Variants in HIP1 observed in about 807,000 individuals in gnomAD.
The protein encoded by HIP1 is huntingtin interacting protein 1, also known as huntingtin-interacting protein 1.
Under a neutral mutation model 147.6 loss-of-function variants are expected in HIP1, and 65 were observed. The ratio of observed to expected loss-of-function variants is 0.44; its 90% confidence interval spans 0.36 to 0.54. The LOEUF (loss-of-function observed/expected upper bound fraction) is 0.54. Ranked by LOEUF, HIP1 falls within the 20% of genes least tolerant of loss-of-function variation. The pLI is 0.00. For synonymous variants in HIP1, 479 were observed against 504.0 expected (o/e 0.95, Z 0.67); for missense variants, 1,061 against 1,299.6 (o/e 0.82, Z 2.82).
chr7:75,688,208 G>A (rs1800329367), intron 1 of HIP1, among the ~76,000 whole-genome samples: 2 of 152,130 alleles, frequency 1.3e-5, no homozygotes. Flanking sequence ...ACCCCTCCGT[G>A]GGCCACAATC....
chr7:75,730,350 T>C lies in HIP1; in HGVS notation c.120+8451A>G, dbSNP rs201943046. 7.2e-5 allele frequency among the ~76,000 whole-genome samples: 11 copies of C among 151,988 alleles called. No homozygotes were observed. In the East Asian group the frequency reaches 2.1e-3, roughly 29 times the overall value. ...TCCTCTGTAAAATAGGATTTTTTTT[T>C]TTTTTTGAGACGGAGTTTCGCTCTT... On this transcript the variant is annotated intron_variant, in intron 1 of 30. Coordinates refer to ENST00000336926, the MANE Select transcript of HIP1 (RefSeq NM_005338.7).
chr7:75,549,017 A>C lies in HIP1; in HGVS notation c.2296-16T>G. 1 of 1,575,480 alleles carries C rather than the reference A, an allele frequency of 6.3e-7. No homozygotes were observed. Among genetic ancestry groups the C allele is most frequent in the East Asian group, 2.2e-5 (1 of 44,680 alleles). ...GCAGGAGCTCCTGTGAACACATCAC[A>C]AAGGCTGAACTGACCTTGGGGCCTC... On this transcript the variant is annotated splice_polypyrimidine_tract_variant and intron_variant, in intron 22 of 30. Coordinates refer to ENST00000336926, the MANE Select transcript of HIP1 (RefSeq NM_005338.7).
chr7:75,647,248 A>T (rs1554511247), intron 1 of HIP1, among the ~76,000 whole-genome samples: 2 of 139,834 alleles, frequency 1.4e-5, no homozygotes. Context: ...AAAAAAAAAA[A>T]TTAGCCAGAC....
intron 1 of HIP1, among the ~76,000 whole-genome samples, chr7:75,613,562 G>A (rs948435049): frequency 3.3e-5 from 5 of 152,014 alleles, no homozygotes; most frequent in Non-Finnish European, 7.4e-5. Context: ...TCCCTAGAGG[G>A]CAAGAAATCT....
At chr7:75,732,697 G>A (rs554691297) in intron 1 of HIP1, among the ~76,000 whole-genome samples, 1 of 152,250 alleles carries the variant, frequency 6.6e-6, no homozygotes, top group Admixed American at 6.5e-5. Flanking sequence ...AAGAGATTTT[G>A]ACTCTCTAAA....
chr7:75,639,000 G>T (rs1045908051), intron 1 of HIP1: 26 of 815,438 alleles, frequency 3.2e-5, no homozygotes, highest in Non-Finnish European at 3.9e-5. Flanking sequence ...AGGGCGCCAG[G>T]GCTGGGGGTG....
chr7:75,559,795 C>G lies in HIP1; in HGVS notation c.1312G>C (p.Asp438His). 6.2e-7 allele frequency: 1 copy of G among 1,607,870 alleles called. No homozygotes were observed. Among genetic ancestry groups the G allele is most frequent in the Non-Finnish European group, 8.5e-7 (1 of 1,177,228 alleles). Residue 438 changes from aspartate to histidine, a missense_variant, in exon 14 of 31, where the codon GAC becomes CAC. By Grantham distance (81) the Asp-to-His change is moderately conservative (BLOSUM62 -1). Coordinates refer to ENST00000336926, the MANE Select transcript of HIP1 (RefSeq NM_005338.7). The stretch of plus-strand genomic sequence containing the variant: ...TCCTCCCGCTGCCTCCTGAGCTCGT[C>G]CAGTTCTGCCCGCAGGAATTCACAG... ...DDCEFLRAEL[D>H]ELRRQREDTE...
intron 5 of HIP1, among the ~76,000 whole-genome samples, chr7:75,586,072 C>T (rs1796263715): frequency 1.3e-5 from 2 of 152,076 alleles, no homozygotes; most frequent in Admixed American, 6.6e-5. Flanking sequence ...CCTCGACCTC[C>T]CATAATGCTC....
chr7:75,556,053 G>A lies in HIP1; in HGVS notation c.1800C>T (p.Asp600=), dbSNP rs781920434. 5.6e-6 allele frequency: 9 copies of A among 1,614,080 alleles called. No individual in the cohort carries two copies. The South Asian group carries it at 6.6e-5, about 12-fold the overall frequency. ...CTGTGCTGGCCAGTTTGAGCTGAGT[G>A]TCCTGCAGTTCTTTCCGAAGAGCAG... The part of the protein sequence containing the change: ...ELSALRKELQ[D]TQLKLASTEE... The change falls in exon 18 of 31, where the codon GAC becomes GAT. Residue 600 remains aspartate (D), a synonymous_variant. Coordinates refer to ENST00000336926, the MANE Select transcript of HIP1 (RefSeq NM_005338.7).
At chr7:75,670,914 G>T (rs1187674004) in intron 1 of HIP1, among the ~76,000 whole-genome samples, 2 of 149,812 alleles carry the variant, frequency 1.3e-5, no homozygotes, top group Admixed American at 6.7e-5. Flanking sequence ...GAGCCACCGC[G>T]CCCGGTCTCA....
chr7:75,616,554 C>T (rs1357128360), intron 1 of HIP1, among the ~76,000 whole-genome samples: 1 of 150,442 alleles, frequency 6.6e-6, no homozygotes, highest in East Asian at 2.0e-4. Flanking sequence ...ATTACCGGCG[C>T]TAGCCACCAT....
chr7:75,549,095 G>T, intron 22 of HIP1, 94 bp from the exon 23 acceptor site: 1 of 888,326 alleles, frequency 1.1e-6, no homozygotes, highest in Non-Finnish European at 1.8e-6. Flanking sequence ...AAGGCAGGAG[G>T]CCACCCAGCA....
At chr7:75,716,927 C>CA (rs1801342663) in intron 1 of HIP1, among the ~76,000 whole-genome samples, 2 of 151,402 alleles carry the variant, frequency 1.3e-5, no homozygotes, top group South Asian at 4.2e-4. Context: ...GCGACCCTCC[C>CA]ACCTCAACCT....
At chr7:75,642,533 T>TCAAAA (rs545455793) in intron 1 of HIP1, among the ~76,000 whole-genome samples, 12 of 152,216 alleles carry the variant, frequency 7.9e-5, no homozygotes, top group Admixed American at 2.0e-4. Flanking sequence ...AGACTCTGTC[T>TCAAAA]CAAAACAAAA....
In HIP1 at chr7:75,732,335, G is replaced by A. The variant is rs546835735; in HGVS notation, c.120+6466C>T. Among the ~76,000 whole-genome samples, 25 of 152,122 alleles carry A rather than the reference G, an allele frequency of 1.6e-4. No individual in the cohort carries two copies. In the South Asian group the frequency reaches 5.0e-3, roughly 30 times the overall value. On this transcript the variant is annotated intron_variant, in intron 1 of 30. Transcript: ENST00000336926. ...TAAGATCCTTTGCTCTGACGTATGC[G>A]CTATCCACCGACTTTTTTTGTTTGT...
Position 75,738,926 on chromosome 7 carries a change from C to A in HIP1, c.-6G>T, listed in dbSNP as rs1554523996. ...GAGCTGGCCATCCGATCCATGTCGC[C>A]GCGAGGAGCCGAGTCAGGGGCCCTC... On this transcript the variant is annotated 5_prime_UTR_variant, in exon 1 of 31. Coordinates refer to ENST00000336926, the MANE Select transcript of HIP1 (RefSeq NM_005338.7). 2.6e-6 allele frequency: 4 copies of A among 1,541,016 alleles called. No homozygotes were observed. Among genetic ancestry groups the A allele is most frequent in the Non-Finnish European group, 3.5e-6 (4 of 1,144,812 alleles).
At chr7:75,565,179 C>T (rs1296016634) in intron 9 of HIP1, among the ~76,000 whole-genome samples, 2 of 152,220 alleles carry the variant, frequency 1.3e-5, no homozygotes, top group Admixed American at 1.3e-4. Flanking sequence ...AGGCCTGTCT[C>T]TGTCTCTGTG....
At chr7:75,563,365 G>A (rs1326167218) in intron 9 of HIP1, 102 bp from the exon 10 acceptor site, 3 of 919,778 alleles carry the variant, frequency 3.3e-6, no homozygotes, top group Non-Finnish European at 5.3e-6. Flanking sequence ...CCAGCCCAAA[G>A]GCACAGGCTG....
chr7:75,548,132 G>A (rs921005478), intron 23 of HIP1, among the ~76,000 whole-genome samples: 1 of 151,998 alleles, frequency 6.6e-6, no homozygotes, highest in African/African-American at 2.4e-5. Context: ...GGGTTCAAGT[G>A]ATTCTTCTGC....
Sources: gnomAD v4.1 joint callset for allele counts (sites outside exome capture counted in the v4.1 genomes callset) on GRCh38, gnomAD v4.1.1 for gene constraint, MANE v1.5 for transcripts, NCBI Gene and HGNC (gene_info 2026-07-23, HGNC 2026-07-21) for gene names.